DLGAP2: variants seen among roughly 807,000 people sequenced by gnomAD.
DLGAP2 encodes the protein disks large-associated protein 2.
DLGAP2 carries 26 observed loss-of-function variants against 100.3 expected under a neutral mutation model. That is an observed-to-expected ratio of 0.26 (90% CI 0.19 to 0.36). The LOEUF (loss-of-function observed/expected upper bound fraction) is 0.36, where lower values mean the gene tolerates loss of function less well. Ranked by LOEUF, DLGAP2 falls within the 10% of genes least tolerant of loss-of-function variation. DLGAP2 has a pLI of 1.00. For missense variants in DLGAP2, 1,858 were observed against 1,453.2 expected, an observed-to-expected ratio of 1.28 and a Z score of -4.53; for synonymous variants, 886 against 630.1, an observed-to-expected ratio of 1.41 and a Z score of -6.08.
At chr8:795,603 G>A (rs968528089) in intron 1 of DLGAP2, among the ~76,000 whole-genome samples, 1 of 120,180 alleles carries the variant, frequency 8.3e-6, no homozygotes, top group African/African-American at 3.2e-5. Context: ...TCACAGGTCC[G>A]TCATGGAGCA....
At chr8:1,350,189 G>A (rs1196138633) in intron 3 of DLGAP2, among the ~76,000 whole-genome samples, 10 of 150,796 alleles carry the variant, frequency 6.6e-5, no homozygotes, top group South Asian at 4.2e-4. Flanking sequence ...AAGGCCGCGC[G>A]GGTCCTGAGT....
chr8:1,557,670 G>C (rs1393111390), intron 5 of DLGAP2, among the ~76,000 whole-genome samples: 1 of 152,154 alleles, frequency 6.6e-6, no homozygotes. Context: ...CTGGTGGCTG[G>C]TGCCCAAGAC....
chr8:941,159 G>A (rs979591279), intron 2 of DLGAP2, among the ~76,000 whole-genome samples: 6 of 152,218 alleles, frequency 3.9e-5, no homozygotes, highest in East Asian at 1.9e-4. Context: ...CTGTCCCTGC[G>A]TCTGAGTCCT....
At chr8:1,297,147 G>A (rs112869263) in intron 3 of DLGAP2, 2 of 152,252 alleles carry the variant, frequency 1.3e-5, no homozygotes, top group Non-Finnish European at 2.9e-5. Context: ...GAGAGGAAAC[G>A]TTTTTACAGC....
Position 1,707,466 on chromosome 8 carries a change from C to T in DLGAP2, c.*6060C>T, listed in dbSNP as rs867602033. 6.6e-6 allele frequency: 1 copy of T among 152,214 alleles called. No individual in the cohort carries two copies. Among genetic ancestry groups the T allele is most frequent in the African/African-American group, 2.4e-5 (1 of 41,436 alleles). The allele number at this position is 152,214 out of a possible 1,614,324, so 9.4% of individuals were successfully genotyped here. A position where few individuals can be genotyped will look rare whatever the true frequency, so the allele number is the denominator to read the frequency against. ...ACTCATTTAAATAATACAATCATAT[C>T]ACTTTCAAAGGGCTCAGCACGAATG... is the stretch of plus-strand genomic sequence containing the variant. On this transcript the variant is annotated 3_prime_UTR_variant, in exon 15 of 15. Coordinates refer to ENST00000637795, the MANE Select transcript of DLGAP2 (RefSeq NM_001346810.2).
At chr8:1,482,187 G>A (rs1215462281) in intron 3 of DLGAP2, among the ~76,000 whole-genome samples, 1 of 152,236 alleles carries the variant, frequency 6.6e-6, no homozygotes, top group African/African-American at 2.4e-5. Flanking sequence ...GCTTGAGAAC[G>A]TGTGGGTTTT....
rs200986859 is a variant in DLGAP2 at position 1,678,388 on chromosome 8, A to T, written c.2463A>T (p.Val821=). 7 of 1,613,972 alleles carry T rather than the reference A, an allele frequency of 4.3e-6. No individual in the cohort carries two copies. Among genetic ancestry groups the T allele is most frequent in the Non-Finnish European group, 5.9e-6 (7 of 1,179,864 alleles). ...CCCAGTACAGCGCGGTGAGAACTGTACGGACCCAGGGGCTCTTCAGCTATA... is the reference window on the plus strand; with the variant it reads ...CCCAGTACAGCGCGGTGAGAACTGTTCGGACCCAGGGGCTCTTCAGCTATA... The part of the protein sequence containing the change: ...TPTQYSAVRT[V]RTQGLFSYRE... The change falls in exon 12 of 15, where the codon GTA becomes GTT. Residue 821 remains valine (V), a synonymous_variant. Coordinates refer to ENST00000637795, the MANE Select transcript of DLGAP2 (RefSeq NM_001346810.2).
chr8:1,227,893 G>A (rs904600053), intron 2 of DLGAP2, among the ~76,000 whole-genome samples: 10 of 152,136 alleles, frequency 6.6e-5, no homozygotes, highest in Admixed American at 1.3e-4. Flanking sequence ...AAATTAGTAC[G>A]TCTTAGCTGC....
At chr8:1,386,273 C>T (rs1425447910) in intron 3 of DLGAP2, among the ~76,000 whole-genome samples, 6 of 152,058 alleles carry the variant, frequency 3.9e-5, no homozygotes, top group Admixed American at 6.5e-5. Flanking sequence ...CTAGAAAAAT[C>T]ACCAGACCCA....
At chr8:1,050,267 G>T (rs1273014296) in intron 2 of DLGAP2, among the ~76,000 whole-genome samples, 1 of 152,180 alleles carries the variant, frequency 6.6e-6, no homozygotes, top group Non-Finnish European at 1.5e-5. Context: ...TTGACTTTAG[G>T]ATGGTTCAAA....
At chr8:1,700,660 C>G (rs930002688) in intron 14 of DLGAP2, among the ~76,000 whole-genome samples, 2 of 152,180 alleles carry the variant, frequency 1.3e-5, no homozygotes, top group African/African-American at 2.4e-5. Context: ...ATATCGTCCA[C>G]GTCAATGGGA....
At chr8:1,429,296 G>A (rs1386153435) in intron 3 of DLGAP2, among the ~76,000 whole-genome samples, 4 of 152,072 alleles carry the variant, frequency 2.6e-5, no homozygotes, top group South Asian at 2.1e-4. Flanking sequence ...CCATTTACAC[G>A]GGAGTTTGGT....
intron 3 of DLGAP2, among the ~76,000 whole-genome samples, chr8:1,489,799 A>G (rs1398651349): frequency 6.6e-6 from 1 of 152,252 alleles, no homozygotes; most frequent in Non-Finnish European, 1.5e-5. Flanking sequence ...GGGAATTTCA[A>G]TAACACTTAG....
At chr8:1,044,403 G>A (rs1215467217) in intron 2 of DLGAP2, among the ~76,000 whole-genome samples, 1 of 152,206 alleles carries the variant, frequency 6.6e-6, no homozygotes, top group Non-Finnish European at 1.5e-5. Context: ...CACCTGCCCA[G>A]GTGGCTGCAC....
At chr8:909,952 AG>A (rs1172902042) in intron 2 of DLGAP2, among the ~76,000 whole-genome samples, 1 of 152,230 alleles carries the variant, frequency 6.6e-6, no homozygotes, top group African/African-American at 2.4e-5. Flanking sequence ...TGGCATATAA[AG>A]GTCCTTGTAA....
At chr8:780,864 A>G (rs1821664508) in intron 1 of DLGAP2, among the ~76,000 whole-genome samples, 1 of 152,186 alleles carries the variant, frequency 6.6e-6, no homozygotes, top group African/African-American at 2.4e-5. Flanking sequence ...TTTTCCAAGG[A>G]TCCAAAGGAA....
chr8:1,642,319 C>T (rs77283190), intron 8 of DLGAP2, among the ~76,000 whole-genome samples: 34 of 14,754 alleles, frequency 2.3e-3, no homozygotes, highest in East Asian at 0.012. Context: ...ACCCCGCCGG[C>T]CCTCACCTGT....
chr8:1,269,522 C>A (rs1021589861), intron 3 of DLGAP2, among the ~76,000 whole-genome samples: 10 of 152,110 alleles, frequency 6.6e-5, no homozygotes, highest in African/African-American at 2.2e-4. Flanking sequence ...GAAGTAAGAC[C>A]CCCTCAACCC....
intron 3 of DLGAP2, among the ~76,000 whole-genome samples, chr8:1,343,339 C>T (rs1801462750): frequency 6.6e-6 from 1 of 152,192 alleles, no homozygotes; most frequent in South Asian, 2.1e-4. Context: ...CCACCGGTGA[C>T]ATACATAGGA....
Sources: gnomAD v4.1 joint callset for allele counts (sites outside exome capture counted in the v4.1 genomes callset) on GRCh38, gnomAD v4.1.1 for gene constraint, MANE v1.5 for transcripts, NCBI Gene and HGNC (gene_info 2026-07-23, HGNC 2026-07-21) for gene names.